SLC9A7: variants seen among roughly 807,000 people sequenced by gnomAD.
SLC9A7 encodes solute carrier family 9 member A7.
Under a neutral mutation model 52.6 loss-of-function variants are expected in SLC9A7, and 19 were observed. The observed-to-expected ratio is 0.36, with a 90% CI of 0.25 to 0.53. SLC9A7 has a LOEUF of 0.53. Ranked by LOEUF, SLC9A7 falls within the 20% of genes least tolerant of loss-of-function variation. The pLI is 0.91. For missense variants in SLC9A7, 455 were observed against 597.9 expected, an observed-to-expected ratio of 0.76 and a Z score of 2.49; for synonymous variants, 226 against 252.1, an observed-to-expected ratio of 0.90 and a Z score of 0.98.
chrX:46,606,292 T>C lies in SLC9A7; in HGVS notation c.*660A>G, dbSNP rs191993138. ...TTTAAACATTTCATAACTACTTCTT[T>C]ATGGATATAGCCAGAGAAGGAACTA... On this transcript the variant is annotated 3_prime_UTR_variant, in exon 17 of 17. Coordinates refer to ENST00000616978, the MANE Select transcript of SLC9A7 (RefSeq NM_001257291.2). The C allele has an allele frequency of 1.4e-4, 108 of 745,977 alleles. No individual in the cohort carries two copies. The African/African-American group carries it at 2.3e-3, about 16-fold the overall frequency. 61.5% of individuals were successfully genotyped at this position (745,977 alleles called of 1,213,427 possible).
chrX:46,614,952 T>A (rs1293978969), intron 15 of SLC9A7, among the ~76,000 whole-genome samples: 2 of 112,585 alleles, frequency 1.8e-5, no homozygotes, highest in African/African-American at 6.5e-5. Context: ...CAGCTCTCTC[T>A]AGAGGAGGAG....
intron 7 of SLC9A7, among the ~76,000 whole-genome samples, chrX:46,654,165 G>T (rs1943631245): frequency 9.0e-6 from 1 of 111,217 alleles, no homozygotes; most frequent in Non-Finnish European, 1.9e-5. Flanking sequence ...CGAGGCAGGT[G>T]GATCACCTGA....
rs1463457223 is a variant in SLC9A7, at chrX:46,621,028, G to A, written c.1772C>T (p.Thr591Ile). 2.5e-6 allele frequency: 3 copies of A among 1,205,921 alleles called. No homozygotes were observed. In the African/African-American group the frequency reaches 5.2e-5, roughly 21 times the overall value. Residue 591 changes from threonine to isoleucine, a missense_variant, in exon 15 of 17, where the codon ACA becomes ATA. Thr to Ile is a moderately conservative substitution (Grantham distance 89). Coordinates refer to ENST00000616978, the MANE Select transcript of SLC9A7 (RefSeq NM_001257291.2). ...GAATATCCATGCGCTCTCCTGTTTT[G>A]TCCGGTTTCCTCTGGCAGAATCTGG... ...DGPDSARGNR[T>I]KQESAWIFRL... is the part of the protein sequence containing the mutation.
Position 46,708,007 on chromosome X carries a change from C to T in SLC9A7, c.326-25472G>A, listed in dbSNP as rs762462804. Among the ~76,000 whole-genome samples the T allele has an allele frequency of 1.3e-3, 150 of 111,119 alleles. 2 individuals are homozygous for T. The highest frequency in any genetic ancestry group is 4.7e-3 in the African/African-American group (145 of 30,654). On this transcript the variant is annotated intron_variant, in intron 1 of 16. Coordinates refer to ENST00000616978, the MANE Select transcript of SLC9A7 (RefSeq NM_001257291.2). ...CACCCGCCCTCAGCCTCCCAAAGTGCTGGGATTACAGGCGTGAGCCACTGC... is the reference window on the plus strand; with the variant it reads ...CACCCGCCCTCAGCCTCCCAAAGTGTTGGGATTACAGGCGTGAGCCACTGC...
At chrX:46,749,403 T>C (rs1046227297) in intron 1 of SLC9A7, among the ~76,000 whole-genome samples, 1 of 111,636 alleles carries the variant, frequency 9.0e-6, no homozygotes, top group Non-Finnish European at 1.9e-5. Flanking sequence ...AAGATTCTGA[T>C]ATGCCCATCA....
At chrX:46,630,893 A>C (rs1361500286) in intron 14 of SLC9A7, among the ~76,000 whole-genome samples, 1 of 112,237 alleles carries the variant, frequency 8.9e-6, no homozygotes, top group African/African-American at 3.2e-5. Flanking sequence ...TTGGAACCTT[A>C]AGCCATCACA....
At chrX:46,647,316 C>A in intron 11 of SLC9A7, 1 of 152,177 alleles carries the variant, frequency 6.6e-6, no homozygotes, top group South Asian at 1.5e-4. Flanking sequence ...AGATCAGCAA[C>A]AGCTGGTAGG....
At chrX:46,724,318 C>G (rs1944910062) in intron 1 of SLC9A7, among the ~76,000 whole-genome samples, 1 of 111,663 alleles carries the variant, frequency 9.0e-6, no homozygotes, top group African/African-American at 3.3e-5. Context: ...GTTGAATAGA[C>G]TACTCAGTAG....
chrX:46,646,788 CA>C, intron 11 of SLC9A7: 1 of 333,269 alleles, frequency 3.0e-6, no homozygotes. Flanking sequence ...AAGCTGTTGC[CA>C]TGGGCTGTAA....
chrX:46,757,292 C>T (rs1451780103), intron 1 of SLC9A7, among the ~76,000 whole-genome samples: 2 of 111,812 alleles, frequency 1.8e-5, no homozygotes, highest in Non-Finnish European at 3.8e-5. Context: ...GGGATGGAGG[C>T]CAAAGTCTGT....
At chrX:46,681,339 T>C in intron 2 of SLC9A7, among the ~76,000 whole-genome samples, 1 of 112,165 alleles carries the variant, frequency 8.9e-6, no homozygotes, top group East Asian at 2.8e-4. Flanking sequence ...GGTATTTACA[T>C]TGGATTTCAT....
intron 1 of SLC9A7, among the ~76,000 whole-genome samples, chrX:46,699,261 A>C (rs1047726214): frequency 1.8e-5 from 2 of 112,055 alleles, no homozygotes; most frequent in Admixed American, 9.5e-5. Flanking sequence ...AGACATGGAA[A>C]ATGTAGTTAT....
rs1159431920 is a variant in SLC9A7 at position 46,636,639 on chromosome X, T to TA, written c.1617-992dup. Reference sequence around the variant, plus strand: ...GGTATAAAAATTGGTTCTTGTAGGTTAAAAAAAAAAAACCACTCAGATATT... The same window carrying TA: ...GGTATAAAAATTGGTTCTTGTAGGTTAAAAAAAAAAAAACCACTCAGATATT... On this transcript the variant is annotated intron_variant, in intron 12 of 16. Transcript: ENST00000616978. Among the ~76,000 whole-genome samples the TA allele has an allele frequency of 8.4e-3, 860 of 102,550 alleles. 8 individuals carry two copies. The highest frequency in any genetic ancestry group is 0.028 in the African/African-American group (790 of 28,433). The allele number at this position is 102,550 out of a possible 115,157, so 89.1% of individuals were successfully genotyped here.
chrX:46,650,792 G>T (rs191738909), intron 10 of SLC9A7, among the ~76,000 whole-genome samples: 2 of 111,484 alleles, frequency 1.8e-5, no homozygotes, highest in African/African-American at 6.5e-5. Flanking sequence ...ATCACCTGCC[G>T]AGCACCAGTT....
intron 1 of SLC9A7, among the ~76,000 whole-genome samples, chrX:46,722,211 T>C (rs56081517): frequency 1.3e-3 from 145 of 111,823 alleles, no homozygotes; most frequent in Non-Finnish European, 2.2e-3. Context: ...GAATGTGGGT[T>C]TCAAAACAAA....
chrX:46,696,086 A>T (rs1281643736), intron 1 of SLC9A7, among the ~76,000 whole-genome samples: 1 of 110,184 alleles, frequency 9.1e-6, no homozygotes, highest in Non-Finnish European at 1.9e-5. Flanking sequence ...CCTGGGTTCA[A>T]GCGATCCTCC....
chrX:46,624,851 A>AT (rs1163619320), intron 14 of SLC9A7, among the ~76,000 whole-genome samples: 20 of 112,127 alleles, frequency 1.8e-4, no homozygotes, highest in East Asian at 2.8e-4. Flanking sequence ...GCTTATTATC[A>AT]TTTTTTGAGC....
intron 1 of SLC9A7, among the ~76,000 whole-genome samples, chrX:46,735,521 A>G (rs1469462297): frequency 8.9e-6 from 1 of 112,327 alleles, no homozygotes; most frequent in Non-Finnish European, 1.9e-5. Context: ...ACTTATTTTT[A>G]GAACAACTAA....
intron 1 of SLC9A7, among the ~76,000 whole-genome samples, chrX:46,702,509 C>T (rs1357270272): frequency 9.0e-6 from 1 of 111,340 alleles, no homozygotes; most frequent in East Asian, 2.8e-4. Context: ...TGTTTAGCTC[C>T]CTGTTACAGG....
Sources: gnomAD v4.1 joint callset for allele counts (sites outside exome capture counted in the v4.1 genomes callset) on GRCh38, gnomAD v4.1.1 for gene constraint, MANE v1.5 for transcripts, NCBI Gene and HGNC (gene_info 2026-07-23, HGNC 2026-07-21) for gene names.